Variants in EPAS1 observed in about 807,000 individuals in gnomAD.
EPAS1 encodes the protein endothelial PAS domain-containing protein 1.
A neutral mutation model predicts 87.9 loss-of-function variants in EPAS1; 23 were observed. That is an observed-to-expected ratio of 0.26 (90% CI 0.19 to 0.37). EPAS1 has a LOEUF of 0.37. EPAS1 is among the 10% of genes least tolerant of loss of function. The pLI, the probability that EPAS1 is intolerant of heterozygous loss-of-function variation, is 1.00. For synonymous variants in EPAS1, 508 were observed against 444.3 expected (o/e 1.14, Z -1.80); for missense variants, 1,138 against 1,120.7 (o/e 1.02, Z -0.22).
At chr2:46,381,342 G>T (rs538537984) in intron 12 of EPAS1, 10 of 557,724 alleles carry the variant, frequency 1.8e-5, no homozygotes, top group African/African-American at 1.7e-4. Context: ...CCCTCCTAAG[G>T]ACTAACATTG....
At chr2:46,311,157 G>A (rs1287096119) in intron 1 of EPAS1, among the ~76,000 whole-genome samples, 2 of 152,166 alleles carry the variant, frequency 1.3e-5, no homozygotes, top group African/African-American at 2.4e-5. Flanking sequence ...GATTACAGGC[G>A]TGAGCCACTG....
At chr2:46,340,079 C>T (rs1191030107) in intron 1 of EPAS1, among the ~76,000 whole-genome samples, 2 of 152,134 alleles carry the variant, frequency 1.3e-5, no homozygotes, top group Non-Finnish European at 2.9e-5. Flanking sequence ...TATGATTATT[C>T]CTGTGTACAC....
At chr2:46,336,075 G>A (rs984203227) in intron 1 of EPAS1, among the ~76,000 whole-genome samples, 1 of 152,186 alleles carries the variant, frequency 6.6e-6, no homozygotes, top group Non-Finnish European at 1.5e-5. Context: ...AATCTAAGCC[G>A]CCCCAGCTGC....
chr2:46,318,476 A>T lies in EPAS1; in HGVS notation c.26+20539A>T, dbSNP rs1428299639. ...TGCCTGACAAACCTTCAATTTGTAAAAAGTGCAATATCTGCAAAGTGCAAT... is the reference window on the plus strand; with the variant it reads ...TGCCTGACAAACCTTCAATTTGTAATAAGTGCAATATCTGCAAAGTGCAAT... On this transcript the variant is annotated intron_variant, in intron 1 of 15. Transcript: ENST00000263734. Among the ~76,000 whole-genome samples the T allele has an allele frequency of 5.9e-5, 9 of 152,226 alleles. No individual in the cohort carries two copies. The East Asian group carries it at 1.7e-3, about 29-fold the overall frequency.
chr2:46,348,896 T>C (rs574958161), intron 2 of EPAS1, among the ~76,000 whole-genome samples: 1 of 152,306 alleles, frequency 6.6e-6, no homozygotes, highest in African/African-American at 2.4e-5. Flanking sequence ...AGTCAACCTG[T>C]ATATTAATTG....
rs555698019 is a variant in EPAS1 at position 46,350,669 on chromosome 2, T to C, written c.217+3606T>C. On this transcript the variant is annotated intron_variant, in intron 2 of 15. Coordinates refer to ENST00000263734, the MANE Select transcript of EPAS1 (RefSeq NM_001430.5). ...AAACCATGAGCGAATCAGGGTCAAC[T>C]CTGCATTCTGAGGGCATTAAACCGC... is the stretch of plus-strand genomic sequence containing the variant. 2.0e-5 allele frequency among the ~76,000 whole-genome samples: 3 copies of C among 152,256 alleles called. No individual in the cohort carries two copies. The East Asian group carries it at 5.8e-4, about 29-fold the overall frequency.
In EPAS1 at chr2:46,303,046, G is replaced by A. The variant is rs1431332611; in HGVS notation, c.26+5109G>A. 4.6e-5 allele frequency among the ~76,000 whole-genome samples: 7 copies of A among 152,138 alleles called. No individual in the cohort carries two copies. The East Asian group carries it at 1.2e-3, about 25-fold the overall frequency. On this transcript the variant is annotated intron_variant, in intron 1 of 15. Transcript: ENST00000263734. Reference sequence around the variant, plus strand: ...CGAGATCGTGCCACTGCACTCCAGCGTGGGTGACAGAGCGAGACAACGTCA... The same window carrying A: ...CGAGATCGTGCCACTGCACTCCAGCATGGGTGACAGAGCGAGACAACGTCA...
intron 6 of EPAS1, among the ~76,000 whole-genome samples, chr2:46,369,444 C>T (rs1684576746): frequency 1.3e-5 from 2 of 152,204 alleles, no homozygotes; most frequent in African/African-American, 4.8e-5. Context: ...CCTGTGTAGG[C>T]ATCGAGCAAA....
chr2:46,377,509 G>C (rs1297732530), intron 9 of EPAS1, among the ~76,000 whole-genome samples: 1 of 152,204 alleles, frequency 6.6e-6, no homozygotes, highest in African/African-American at 2.4e-5. Flanking sequence ...AACGCAGCGG[G>C]CCCTTGGCCA....
chr2:46,363,159 C>G (rs1228047085), intron 6 of EPAS1, among the ~76,000 whole-genome samples: 2 of 152,190 alleles, frequency 1.3e-5, no homozygotes, highest in African/African-American at 4.8e-5. Context: ...GCTTTGTGTA[C>G]CTCAGTAGTC....
chr2:46,372,962 A>C (rs899924622), intron 7 of EPAS1, among the ~76,000 whole-genome samples: 1 of 152,246 alleles, frequency 6.6e-6, no homozygotes, highest in Non-Finnish European at 1.5e-5. Context: ...GGTTGAGTCC[A>C]TGATGGTTTA....
intron 1 of EPAS1, among the ~76,000 whole-genome samples, chr2:46,305,515 T>C (rs1683091974): frequency 6.6e-6 from 1 of 152,170 alleles, no homozygotes; most frequent in South Asian, 2.1e-4. Flanking sequence ...GTAATTTCCA[T>C]GCCAGATAAT....
At chr2:46,311,080 G>A (rs554548397) in intron 1 of EPAS1, among the ~76,000 whole-genome samples, 4 of 152,164 alleles carry the variant, frequency 2.6e-5, no homozygotes, top group South Asian at 4.1e-4. Context: ...GGGTTTCACC[G>A]TGTTAACCAG....
intron 2 of EPAS1, among the ~76,000 whole-genome samples, chr2:46,349,992 C>A (rs1300046083): frequency 2.0e-5 from 3 of 152,120 alleles, no homozygotes; most frequent in Non-Finnish European, 2.9e-5. Context: ...GCTTACCCTG[C>A]AATGTTATTT....
Position 46,369,776 on chromosome 2 carries a change from C to A in EPAS1, c.780-51C>A, listed in dbSNP as rs761536798. 24 of 1,397,050 alleles carry A rather than the reference C, an allele frequency of 1.7e-5. No individual in the cohort carries two copies. The East Asian group carries it at 4.9e-4, about 29-fold the overall frequency. The allele number at this position is 1,397,050 out of a possible 1,614,324, so 86.5% of individuals were successfully genotyped here. ...GGTTAGCTCCTGCCCACATGCTGTGCTAAGTTAATATGGTCTTTCTTCCTT... is the reference window on the plus strand; with the variant it reads ...GGTTAGCTCCTGCCCACATGCTGTGATAAGTTAATATGGTCTTTCTTCCTT... On this transcript the variant is annotated intron_variant, in intron 6 of 15. Coordinates refer to ENST00000263734, the MANE Select transcript of EPAS1 (RefSeq NM_001430.5).
Position 46,350,667 on chromosome 2 carries a change from AC to A in EPAS1, c.217+3605del, listed in dbSNP as rs543944417. On this transcript the variant is annotated intron_variant, in intron 2 of 15. Coordinates refer to ENST00000263734, the MANE Select transcript of EPAS1 (RefSeq NM_001430.5). ...ACAAACCATGAGCGAATCAGGGTCA[AC>A]TCTGCATTCTGAGGGCATTAAACCG... 4.2e-4 allele frequency among the ~76,000 whole-genome samples: 64 copies of A among 152,330 alleles called. 1 individual carries two copies. The East Asian group carries it at 9.1e-3, about 22-fold the overall frequency.
In EPAS1 at chr2:46,297,742, C is replaced by A; in HGVS notation, c.-170C>A. ...TCTCCACCCCCGCCCCCGCACCTAG[C>A]CCGCCGCGCGCCACCTTCCACCTGA... On this transcript the variant is annotated 5_prime_UTR_variant, in exon 1 of 16. Coordinates refer to ENST00000263734, the MANE Select transcript of EPAS1 (RefSeq NM_001430.5). 1.3e-6 allele frequency: 1 copy of A among 798,250 alleles called. No homozygotes were observed. Among genetic ancestry groups the A allele is most frequent in the Non-Finnish European group, 2.0e-6 (1 of 507,380 alleles). The allele number at this position is 798,250 out of a possible 1,614,324, so 49.4% of individuals were successfully genotyped here.
chr2:46,326,762 A>G (rs565839320), intron 1 of EPAS1, among the ~76,000 whole-genome samples: 1 of 152,296 alleles, frequency 6.6e-6, no homozygotes, highest in East Asian at 1.9e-4. Flanking sequence ...GGAAGGGGTA[A>G]GACGAGCATA....
intron 1 of EPAS1, among the ~76,000 whole-genome samples, chr2:46,315,716 G>A (rs1683299680): frequency 6.6e-6 from 1 of 152,236 alleles, no homozygotes; most frequent in African/African-American, 2.4e-5. Context: ...GCTGGACCGA[G>A]GGCAGGATGT....
Sources: gnomAD v4.1 joint callset for allele counts (sites outside exome capture counted in the v4.1 genomes callset) on GRCh38, gnomAD v4.1.1 for gene constraint, MANE v1.5 for transcripts, NCBI Gene and HGNC (gene_info 2026-07-23, HGNC 2026-07-21) for gene names.